TENT2: variants seen among roughly 807,000 people sequenced by gnomAD.
The protein encoded by TENT2 is terminal nucleotidyltransferase 2, also known as poly(A) RNA polymerase GLD2.
Under a neutral mutation model 72.2 loss-of-function variants are expected in TENT2, and 44 were observed. The ratio of observed to expected loss-of-function variants is 0.61; its 90% CI spans 0.48 to 0.78. The LOEUF (loss-of-function observed/expected upper bound fraction) is 0.78. Ranked by LOEUF, TENT2 falls within the 30% of genes least tolerant of loss-of-function variation. The probability of loss-of-function intolerance (pLI) is 0.00; values close to 1 mark genes in which losing one functional copy is unlikely to be tolerated. For synonymous variants in TENT2, 212 were observed against 192.5 expected, an observed-to-expected ratio of 1.10 and a Z score of -0.84; for missense variants, 541 against 569.6, an observed-to-expected ratio of 0.95 and a Z score of 0.51.
At chr5:79,658,716 C>T (rs1799728852) in intron 11 of TENT2, among the ~76,000 whole-genome samples, 2 of 152,166 alleles carry the variant, frequency 1.3e-5, no homozygotes, top group South Asian at 2.1e-4. Context: ...CACTTAAAAC[C>T]CTATGCTACA....
intron 10 of TENT2, among the ~76,000 whole-genome samples, chr5:79,650,588 A>G (rs1793080810): frequency 6.6e-6 from 1 of 152,094 alleles, no homozygotes; most frequent in Non-Finnish European, 1.5e-5. Context: ...ATAACAGATA[A>G]TATTAGCAAT....
intron 11 of TENT2, among the ~76,000 whole-genome samples, chr5:79,668,095 G>A (rs190153469): frequency 7.3e-4 from 111 of 152,024 alleles, no homozygotes; most frequent in African/African-American, 2.6e-3. Flanking sequence ...TAGTATATTC[G>A]AGAGCCAGAA....
intron 3 of TENT2, among the ~76,000 whole-genome samples, chr5:79,622,164 C>T (rs941966807): frequency 6.6e-6 from 1 of 151,798 alleles, no homozygotes; most frequent in Non-Finnish European, 1.5e-5. Context: ...AGCTGAGCAT[C>T]GTGGCGGGCG....
intron 4 of TENT2, among the ~76,000 whole-genome samples, chr5:79,633,997 CAAAAA>C (rs562252526): frequency 0.011 from 741 of 70,504 alleles, 4 homozygotes; most frequent in African/African-American, 0.025. Context: ...ACTAAAAATA[CAAAAA>C]AAAAAAAAAA....
intron 4 of TENT2, among the ~76,000 whole-genome samples, chr5:79,625,395 C>G (rs764179165): frequency 1.6e-4 from 25 of 152,116 alleles, no homozygotes; most frequent in Non-Finnish European, 3.5e-4. Context: ...GCACAAAAAC[C>G]TTTCATTTTG....
At chr5:79,666,789 G>A (rs1366820672) in intron 11 of TENT2, among the ~76,000 whole-genome samples, 1 of 152,130 alleles carries the variant, frequency 6.6e-6, no homozygotes, top group Non-Finnish European at 1.5e-5. Context: ...ACTTCAGAAA[G>A]TGCTTAATTG....
chr5:79,670,996 G>A (rs551049862), intron 12 of TENT2, among the ~76,000 whole-genome samples: 10 of 151,858 alleles, frequency 6.6e-5, no homozygotes, highest in Middle Eastern at 3.4e-3. Context: ...GGGACTGGGG[G>A]ATGTTTGTGG....
chr5:79,640,360 C>T (rs531266504), intron 4 of TENT2, among the ~76,000 whole-genome samples: 33 of 151,750 alleles, frequency 2.2e-4, no homozygotes, highest in African/African-American at 5.1e-4. Context: ...CCTGGAAGAC[C>T]GGGGACTGGT....
chr5:79,648,921 T>A (rs1283066128), intron 9 of TENT2, 141 bp from the exon 10 acceptor site: 3 of 1,036,812 alleles, frequency 2.9e-6, no homozygotes, highest in Non-Finnish European at 4.1e-6. Context: ...GTTTTAGACA[T>A]AAGACACAAA....
chr5:79,678,206 T>C (rs1454264574), intron 12 of TENT2, among the ~76,000 whole-genome samples: 1 of 152,230 alleles, frequency 6.6e-6, no homozygotes, highest in African/African-American at 2.4e-5. Flanking sequence ...ACTTTCAGTG[T>C]GCTTTACAAG....
chr5:79,649,985 T>C (rs1002505617), intron 10 of TENT2, among the ~76,000 whole-genome samples: 4 of 152,164 alleles, frequency 2.6e-5, no homozygotes, highest in Non-Finnish European at 4.4e-5. Flanking sequence ...TTTGTAGTTA[T>C]TAGACCAGGA....
At chr5:79,661,268 C>T (rs1398321851) in intron 11 of TENT2, among the ~76,000 whole-genome samples, 3 of 152,172 alleles carry the variant, frequency 2.0e-5, no homozygotes, top group African/African-American at 4.8e-5. Flanking sequence ...TCACTCACTA[C>T]TCACTCATTG....
chr5:79,664,948 C>T (rs1806194856), intron 11 of TENT2, among the ~76,000 whole-genome samples: 1 of 152,146 alleles, frequency 6.6e-6, no homozygotes, highest in Non-Finnish European at 1.5e-5. Flanking sequence ...AGCTAATGCT[C>T]TTAGTCACTT....
chr5:79,670,465 C>G (rs1580614059), intron 12 of TENT2, among the ~76,000 whole-genome samples: 1 of 151,652 alleles, frequency 6.6e-6, no homozygotes, highest in Admixed American at 6.6e-5. Context: ...GCTGGGACTA[C>G]AAGCACCCGT....
rs1373637724 is a variant in TENT2, at chr5:79,679,755, A to G, written c.1300+85A>G. On this transcript the variant is annotated intron_variant, in intron 13 of 14. Coordinates refer to ENST00000453514, the MANE Select transcript of TENT2 (RefSeq NM_001114394.3). ...TTCAGCTGTGTTTCAGTTAAAAGTAATACATTTATGTCTGAAGTGATTTGT... is the reference window on the plus strand; with the variant it reads ...TTCAGCTGTGTTTCAGTTAAAAGTAGTACATTTATGTCTGAAGTGATTTGT... 5 of 717,662 alleles carry G rather than the reference A, an allele frequency of 7.0e-6. 1 individual carries two copies. In the South Asian group the frequency reaches 1.2e-4, roughly 18 times the overall value. 44.5% of individuals were successfully genotyped at this position (717,662 alleles called of 1,614,324 possible). A position where few individuals can be genotyped will look rare whatever the true frequency, so the allele number is the denominator to read the frequency against.
intron 11 of TENT2, among the ~76,000 whole-genome samples, chr5:79,660,796 G>C (rs58791731): frequency 0.2 from 30,849 of 151,958 alleles, 4,635 homozygotes; most frequent in African/African-American, 0.42. Flanking sequence ...AAAATGGCCT[G>C]ATAGGTCCTT....
At chr5:79,638,159 T>G (rs905007147) in intron 4 of TENT2, among the ~76,000 whole-genome samples, 1 of 152,152 alleles carries the variant, frequency 6.6e-6, no homozygotes, top group African/African-American at 2.4e-5. Flanking sequence ...TTTTTTCCTT[T>G]CCCACTTTTA....
At chr5:79,680,255 T>A (rs1289049670) in intron 13 of TENT2, among the ~76,000 whole-genome samples, 1 of 152,216 alleles carries the variant, frequency 6.6e-6, no homozygotes, top group East Asian at 1.9e-4. Flanking sequence ...TCAGCATTTG[T>A]AGAAAACATC....
chr5:79,681,753 C>G (rs1822113266), intron 13 of TENT2: 1 of 375,594 alleles, frequency 2.7e-6, no homozygotes, highest in Admixed American at 4.2e-5. Context: ...TGATGACTTT[C>G]ATTTTTGATC....
Sources: gnomAD v4.1 joint callset for allele counts (sites outside exome capture counted in the v4.1 genomes callset) on GRCh38, gnomAD v4.1.1 for gene constraint, MANE v1.5 for transcripts, NCBI Gene and HGNC (gene_info 2026-07-23, HGNC 2026-07-21) for gene names.